PPIP5K2: variants seen among roughly 807,000 people sequenced by gnomAD.
PPIP5K2 encodes the protein diphosphoinositol pentakisphosphate kinase 2.
In PPIP5K2, 105 loss-of-function variants were observed where a neutral mutation model predicts 154.6. That is an observed-to-expected ratio of 0.68 (90% CI 0.58 to 0.80). The LOEUF is 0.80. Ranked by LOEUF, PPIP5K2 falls within the 30% of genes least tolerant of loss-of-function variation. The pLI, the probability that PPIP5K2 is intolerant of heterozygous loss-of-function variation, is 0.00. For missense variants in PPIP5K2, 992 were observed against 1,504.6 expected (o/e 0.66, Z 5.64); for synonymous variants, 480 against 490.3 (o/e 0.98, Z 0.28).
In PPIP5K2 at chr5:103,183,341, CA is replaced by C. The variant is rs1170827517; in HGVS notation, c.3031del (p.Thr1011LeufsTer31). 2.2e-5 allele frequency: 36 copies of C among 1,610,202 alleles called. No individual in the cohort carries two copies. Among genetic ancestry groups the C allele is most frequent in the Non-Finnish European group, 2.8e-5 (33 of 1,178,690 alleles). On this transcript the variant is annotated frameshift_variant, in exon 25 of 31. Coordinates refer to ENST00000358359, the MANE Select transcript of PPIP5K2 (RefSeq NM_001276277.3). LOFTEE classifies it high-confidence loss of function. ...GAAGACGCAGATCAGGGGAACAAATCACTTCTTCCCCTGTCTCCCCCAAATC... is the reference window on the plus strand; with the variant it reads ...GAAGACGCAGATCAGGGGAACAAATCCTTCTTCCCCTGTCTCCCCCAAATC... The part of the protein sequence containing the change: ...RRRRRSGEQI[T>X]SSPVSPKSLA...
Position 103,147,936 on chromosome 5 carries a change from C to A in PPIP5K2, c.648C>A (p.Gly216=). The part of the protein sequence containing the change: ...GGSQRLFRKI[G]SRSSVYSPES... ...TGGACATCTTTTGTTTTCAGATTGG[C>A]AGTAGAAGTAGTGTTTATTCTCCAG... is the stretch of plus-strand genomic sequence containing the variant. Residue 216 remains glycine, a synonymous_variant, in exon 7 of 31, where the codon GGC becomes GGA. Coordinates refer to ENST00000358359, the MANE Select transcript of PPIP5K2 (RefSeq NM_001276277.3). The A allele has an allele frequency of 1.3e-6, 2 of 1,566,302 alleles. No homozygotes were observed. Among genetic ancestry groups the A allele is most frequent in the South Asian group, 1.2e-5 (1 of 82,272 alleles).
chr5:103,198,956 T>A (rs1226350869), intron 30 of PPIP5K2, among the ~76,000 whole-genome samples: 1 of 152,072 alleles, frequency 6.6e-6, no homozygotes, highest in South Asian at 2.1e-4. Flanking sequence ...TTTTGCATTT[T>A]TTTTTGTTGC....
intron 30 of PPIP5K2, among the ~76,000 whole-genome samples, chr5:103,197,279 A>G (rs1383649811): frequency 6.6e-6 from 1 of 152,006 alleles, no homozygotes; most frequent in Admixed American, 6.6e-5. Flanking sequence ...TGATAGAATT[A>G]ATTTTATATC....
At chr5:103,173,820 T>A (rs1798320361) in intron 20 of PPIP5K2, 38 bp from the exon 21 acceptor site, 1 of 1,280,670 alleles carries the variant, frequency 7.8e-7, no homozygotes, top group Non-Finnish European at 1.1e-6. Context: ...TTTTTGATTA[T>A]ATGGTTATGT....
In PPIP5K2 at chr5:103,155,981, T is replaced by G; in HGVS notation, c.1476T>G (p.Ser492=). The change falls in exon 14 of 31, where the codon TCT becomes TCG. Residue 492 remains serine, a synonymous_variant. Transcript: ENST00000358359. ...TCCCTCATGGTTGTCCTAAAACATCTAGTGAAGAGGAGGGTATGTTATTCT... is the reference window on the plus strand; with the variant it reads ...TCCCTCATGGTTGTCCTAAAACATCGAGTGAAGAGGAGGGTATGTTATTCT... ...TYLPHGCPKT[S]SEEEDSRREE... is the part of the protein sequence containing the mutation. The G allele has an allele frequency of 6.3e-7, 1 of 1,585,704 alleles. No individual in the cohort carries two copies. The highest frequency in any genetic ancestry group is 1.1e-5 in the South Asian group (1 of 90,438).
rs1463134855 is a variant in PPIP5K2 at position 103,186,329 on chromosome 5, G to A, written c.3179G>A (p.Cys1060Tyr). 1 of 1,613,766 alleles carries A rather than the reference G, an allele frequency of 6.2e-7. No individual in the cohort carries two copies. The highest frequency in any genetic ancestry group is 8.5e-7 in the Non-Finnish European group (1 of 1,179,818). The change falls in exon 27 of 31, where the codon TGT (cysteine) becomes TAT (tyrosine). Residue 1060 changes from cysteine to tyrosine, a missense_variant. This residue lies in a region of PPIP5K2 where 204 missense variants were observed against 224.0 expected (regional missense o/e 0.91). Transcript: ENST00000358359. ...CTCTAACTCCCATCAGGGTCTCACT[G>A]TGCGGGCCTGTTTAGCACCTCGGTG... ...QKQNPTVGSH[C>Y]AGLFSTSVLG...
intron 30 of PPIP5K2, among the ~76,000 whole-genome samples, chr5:103,200,529 G>A (rs192135463): frequency 4.2e-4 from 64 of 151,964 alleles, no homozygotes; most frequent in African/African-American, 1.5e-3. Context: ...TCTGTGGGAA[G>A]ATTGGTCTGA....
intron 5 of PPIP5K2, among the ~76,000 whole-genome samples, chr5:103,141,691 G>A (rs1260423587): frequency 4.6e-5 from 7 of 152,226 alleles, no homozygotes; most frequent in African/African-American, 9.6e-5. Flanking sequence ...GCAGAGTGTC[G>A]ATTGGTGCAT....
intron 19 of PPIP5K2, 50 bp downstream of exon 19, chr5:103,168,345 T>TA (rs1562458599): frequency 1.4e-6 from 2 of 1,404,414 alleles, no homozygotes; most frequent in South Asian, 2.5e-5. Flanking sequence ...AAAATACTTT[T>TA]AAAATGTCTG....
chr5:103,125,953 T>A (rs1789600744), intron 1 of PPIP5K2, among the ~76,000 whole-genome samples: 1 of 152,208 alleles, frequency 6.6e-6, no homozygotes, highest in African/African-American at 2.4e-5. Context: ...CTCAGTCCTT[T>A]GTGTGCATCT....
intron 5 of PPIP5K2, among the ~76,000 whole-genome samples, chr5:103,143,386 G>C (rs1243563025): frequency 6.6e-6 from 1 of 152,146 alleles, no homozygotes; most frequent in African/African-American, 2.4e-5. Context: ...GGATCTCACT[G>C]TGTAGCCCAG....
At chr5:103,191,201 A>C in intron 29 of PPIP5K2, 37 of 379,704 alleles carry the variant, frequency 9.7e-5, no homozygotes, top group South Asian at 1.0e-4. Flanking sequence ...AAAAAAAAAC[A>C]AAAAACAAAA....
At chr5:103,134,555 T>A (rs1791153129) in intron 3 of PPIP5K2, among the ~76,000 whole-genome samples, 1 of 152,172 alleles carries the variant, frequency 6.6e-6, no homozygotes, top group African/African-American at 2.4e-5. Context: ...ACACTGATCT[T>A]CAAAGACTCA....
At chr5:103,130,501 A>G (rs1435033853) in intron 2 of PPIP5K2, among the ~76,000 whole-genome samples, 1 of 152,190 alleles carries the variant, frequency 6.6e-6, no homozygotes, top group Non-Finnish European at 1.5e-5. Flanking sequence ...ACAAACCAAA[A>G]ATATTGATTA....
chr5:103,155,343 A>G (rs17155098), intron 13 of PPIP5K2, among the ~76,000 whole-genome samples: 7,780 of 99,922 alleles, frequency 0.078, 513 homozygotes, highest in African/African-American at 0.22. Context: ...TATTTCCTTT[A>G]TTTCTTAAAA....
intron 5 of PPIP5K2, among the ~76,000 whole-genome samples, chr5:103,139,936 T>A (rs1186292001): frequency 6.6e-6 from 1 of 152,056 alleles, no homozygotes; most frequent in Non-Finnish European, 1.5e-5. Flanking sequence ...AGTAGAAGAA[T>A]TAGTGAGCTT....
At chr5:103,155,754 T>C (rs1281212207) in intron 13 of PPIP5K2, among the ~76,000 whole-genome samples, 155 bp from the exon 14 acceptor site, 1 of 152,156 alleles carries the variant, frequency 6.6e-6, no homozygotes, top group Non-Finnish European at 1.5e-5. Flanking sequence ...CATTTTTGTT[T>C]TTAATGTGGT....
chr5:103,194,083 ATACCATTATAT>A, intron 29 of PPIP5K2, among the ~76,000 whole-genome samples: 1 of 152,326 alleles, frequency 6.6e-6, no homozygotes, highest in South Asian at 2.1e-4. Context: ...ATAGTTTAGT[ATACCATTATAT>A]TTGTAGATGA....
chr5:103,209,102 G>A lies in PPIP5K2; in HGVS notation c.*7468G>A, dbSNP rs987460728. On this transcript the variant is annotated 3_prime_UTR_variant, in exon 31 of 31. Coordinates refer to ENST00000358359, the MANE Select transcript of PPIP5K2 (RefSeq NM_001276277.3). ...AACAGTAGTGTTGTCAGAATCAAAT[G>A]AAATAATATTTGGTAAACTATAAAG... The A allele has an allele frequency of 6.6e-6, 1 of 152,180 alleles. No individual in the cohort carries two copies. The highest frequency in any genetic ancestry group is 2.4e-5 in the African/African-American group (1 of 41,454). 9.4% of individuals were successfully genotyped at this position (152,180 alleles called of 1,614,324 possible).
Sources: allele counts gnomAD v4.1 joint callset (sites outside exome capture counted in the v4.1 genomes callset), GRCh38; gene constraint gnomAD v4.1.1; regional missense constraint gnomAD v4.1.1; transcripts MANE v1.5; gene names NCBI Gene and HGNC (gene_info 2026-07-23, HGNC 2026-07-21).